The following CDH18 variants were observed in gnomAD, a reference collection of about 807,000 sequenced individuals.
CDH18 encodes cadherin 18.
Under a neutral mutation model 67.9 loss-of-function variants are expected in CDH18, and 31 were observed. That is an observed-to-expected ratio of 0.46 (90% CI 0.34 to 0.62). The LOEUF (loss-of-function observed/expected upper bound fraction) is 0.62, where lower values mean the gene tolerates loss of function less well. CDH18 is among the 20% of genes least tolerant of loss of function. The pLI is 0.01. For missense variants in CDH18, 890 were observed against 975.5 expected (o/e 0.91, Z 1.17); for synonymous variants, 362 against 347.2 (o/e 1.04, Z -0.48).
intron 1 of CDH18, among the ~76,000 whole-genome samples, chr5:20,257,956 G>A (rs1429975323): frequency 1.3e-5 from 2 of 151,966 alleles, no homozygotes; most frequent in Non-Finnish European, 2.9e-5. Flanking sequence ...TATACACGTA[G>A]TTGTACAAAA....
intron 2 of CDH18, among the ~76,000 whole-genome samples, chr5:19,933,043 T>C (rs1464698541): frequency 2.0e-5 from 3 of 151,618 alleles, no homozygotes; most frequent in Non-Finnish European, 4.4e-5. Context: ...ATATACCTAA[T>C]CATAACTGTA....
intron 3 of CDH18, among the ~76,000 whole-genome samples, chr5:19,794,573 CTCTT>C (rs903340860): frequency 2.0e-5 from 3 of 152,086 alleles, no homozygotes; most frequent in African/African-American, 7.2e-5. Context: ...CTCCCTCTCT[CTCTT>C]TCTCTCTCTC....
At chr5:19,882,827 C>T (rs947764150) in intron 2 of CDH18, among the ~76,000 whole-genome samples, 2 of 152,130 alleles carry the variant, frequency 1.3e-5, no homozygotes, top group African/African-American at 4.8e-5. Flanking sequence ...ACTATATTTA[C>T]ATCCTCACTG....
At chr5:19,771,236 G>A (rs950499809) in intron 3 of CDH18, among the ~76,000 whole-genome samples, 18 of 152,234 alleles carry the variant, frequency 1.2e-4, no homozygotes, top group African/African-American at 3.4e-4. Context: ...GGGACATAGC[G>A]ACTCCTTGTA....
rs562944973 is a variant in CDH18 at position 20,305,474 on chromosome 5, C to T, written c.-579-49969G>A. 7.8e-6 allele frequency: 10 copies of T among 1,282,498 alleles called. No individual in the cohort carries two copies. In the African/African-American group the frequency reaches 1.2e-4, roughly 15 times the overall value. The allele number at this position is 1,282,498 out of a possible 1,614,324, so 79.4% of individuals were successfully genotyped here. ...GTTTTCGAACCTCCTCAGCGGCCGC[C>T]GCTGCACTCGCTGGGTCTTGGGTGC... On this transcript the variant is annotated intron_variant, in intron 1 of 14. Transcript: ENST00000507958.
At chr5:19,626,201 G>T (rs747823850) in intron 5 of CDH18, among the ~76,000 whole-genome samples, 7 of 151,964 alleles carry the variant, frequency 4.6e-5, no homozygotes, top group Non-Finnish European at 1.0e-4. Context: ...ATAACAAATA[G>T]CACCAAGAAA....
intron 2 of CDH18, among the ~76,000 whole-genome samples, chr5:20,205,154 A>T (rs2126330354): frequency 6.6e-6 from 1 of 152,068 alleles, no homozygotes; most frequent in Non-Finnish European, 1.5e-5. Flanking sequence ...TTAACCTATA[A>T]ATGCGTACAT....
At chr5:19,708,645 T>G (rs923390625) in intron 5 of CDH18, among the ~76,000 whole-genome samples, 2 of 152,136 alleles carry the variant, frequency 1.3e-5, no homozygotes, top group Non-Finnish European at 2.9e-5. Context: ...GCTTAAGGCG[T>G]TCCTGAACCA....
intron 1 of CDH18, among the ~76,000 whole-genome samples, chr5:20,400,233 C>A (rs1745643581): frequency 6.6e-6 from 1 of 152,084 alleles, no homozygotes; most frequent in African/African-American, 2.4e-5. Context: ...TGTTCACAGA[C>A]CCTTTGGGAG....
chr5:20,308,979 TA>T (rs1181445777), intron 1 of CDH18, among the ~76,000 whole-genome samples: 1 of 152,234 alleles, frequency 6.6e-6, no homozygotes, highest in African/African-American at 2.4e-5. Flanking sequence ...GGTATTTATT[TA>T]TGTTATTTAC....
intron 1 of CDH18, among the ~76,000 whole-genome samples, chr5:20,296,041 A>AT (rs1004832769): frequency 2.6e-4 from 39 of 148,334 alleles, no homozygotes; most frequent in Admixed American, 7.4e-4. Context: ...CTGGCTAATT[A>AT]TTTTTTGTAT....
chr5:20,414,719 T>C (rs1421934431), intron 1 of CDH18, among the ~76,000 whole-genome samples: 3 of 152,128 alleles, frequency 2.0e-5, no homozygotes, highest in Non-Finnish European at 4.4e-5. Context: ...TGTGAAAAGG[T>C]GGTCAACATC....
At chr5:19,509,155 C>T (rs1165320779) in intron 10 of CDH18, among the ~76,000 whole-genome samples, 1 of 152,034 alleles carries the variant, frequency 6.6e-6, no homozygotes, top group Non-Finnish European at 1.5e-5. Flanking sequence ...AGGTGTGAAT[C>T]ACTGCGCCTG....
At chr5:19,927,077 C>A (rs1579635038) in intron 2 of CDH18, among the ~76,000 whole-genome samples, 1 of 152,080 alleles carries the variant, frequency 6.6e-6, no homozygotes, top group East Asian at 1.9e-4. Flanking sequence ...TTAAGTACTT[C>A]TTGTTTTATG....
At chr5:20,419,474 T>G (rs1395483347) in intron 1 of CDH18, among the ~76,000 whole-genome samples, 1 of 75,656 alleles carries the variant, frequency 1.3e-5, no homozygotes, top group Non-Finnish European at 2.8e-5. Context: ...TTTTTTTTTT[T>G]TTTTTTTTTT....
intron 5 of CDH18, among the ~76,000 whole-genome samples, chr5:19,696,513 G>A (rs1762562943): frequency 6.6e-6 from 1 of 151,476 alleles, no homozygotes; most frequent in African/African-American, 2.4e-5. Flanking sequence ...TCCAGCTTGA[G>A]TGACAGAGCG....
chr5:20,161,685 A>G (rs945849914), intron 2 of CDH18, among the ~76,000 whole-genome samples: 1 of 152,054 alleles, frequency 6.6e-6, no homozygotes, highest in Non-Finnish European at 1.5e-5. Flanking sequence ...TTGTTCTACT[A>G]TCTCTCATTT....
At chr5:19,783,724 T>C (rs1477293708) in intron 3 of CDH18, among the ~76,000 whole-genome samples, 5 of 152,164 alleles carry the variant, frequency 3.3e-5, no homozygotes, top group African/African-American at 9.6e-5. Flanking sequence ...CTCATCTCCA[T>C]GTGTTATGAT....
chr5:19,918,533 T>A (rs193091959), intron 2 of CDH18, among the ~76,000 whole-genome samples: 2 of 152,292 alleles, frequency 1.3e-5, no homozygotes, highest in African/African-American at 4.8e-5. Context: ...TATTTTAAGA[T>A]CCATGGACAT....
Sources: gnomAD v4.1 joint callset for allele counts (sites outside exome capture counted in the v4.1 genomes callset) on GRCh38, gnomAD v4.1.1 for gene constraint, MANE v1.5 for transcripts, NCBI Gene and HGNC (gene_info 2026-07-23, HGNC 2026-07-21) for gene names.